Variants in GIPC2 observed in about 807,000 individuals in gnomAD.
The protein encoded by GIPC2 is PDZ domain-containing protein GIPC2.
In GIPC2, 30 loss-of-function variants were observed where a neutral mutation model predicts 30.6. That is an observed-to-expected ratio of 0.98 (90% confidence interval 0.73 to 1.33). GIPC2 has a LOEUF of 1.33. Ranked by LOEUF, GIPC2 falls within the 40% of genes most tolerant of loss-of-function variation. GIPC2 has a pLI of 0.00. For missense variants in GIPC2, 414 were observed against 390.3 expected (o/e 1.06, Z -0.51); for synonymous variants, 167 against 150.0 (o/e 1.11, Z -0.83).
intron 5 of GIPC2, among the ~76,000 whole-genome samples, chr1:78,128,068 T>G (rs1230791202): frequency 6.6e-6 from 1 of 152,240 alleles, no homozygotes. Flanking sequence ...GGTAGTTTGT[T>G]CCTTGCTCCT....
intron 1 of GIPC2, among the ~76,000 whole-genome samples, chr1:78,068,000 A>G (rs1017699393): frequency 3.3e-5 from 5 of 152,186 alleles, no homozygotes; most frequent in East Asian, 1.9e-4. Flanking sequence ...GGCTCTTTCA[A>G]TCAAATTTAG....
intron 3 of GIPC2, among the ~76,000 whole-genome samples, chr1:78,111,711 G>C (rs941800180): frequency 6.6e-6 from 1 of 152,212 alleles, no homozygotes; most frequent in Non-Finnish European, 1.5e-5. Context: ...TTCTATTAAC[G>C]TGAGCCAGGC....
At chr1:78,086,717 G>A (rs1232000997) in intron 2 of GIPC2, among the ~76,000 whole-genome samples, 1 of 152,118 alleles carries the variant, frequency 6.6e-6, no homozygotes, top group Admixed American at 6.5e-5. Context: ...TTGGTTTGAA[G>A]TCTGTTTTGT....
chr1:78,111,868 C>G (rs1333350359), intron 3 of GIPC2, among the ~76,000 whole-genome samples: 1 of 152,224 alleles, frequency 6.6e-6, no homozygotes, highest in Non-Finnish European at 1.5e-5. Flanking sequence ...CTAAGGTGCT[C>G]TGATTCCAAA....
intron 1 of GIPC2, among the ~76,000 whole-genome samples, chr1:78,062,609 G>A (rs1661415007): frequency 6.6e-6 from 1 of 151,216 alleles, no homozygotes. Flanking sequence ...CCAGGCTTAA[G>A]TGATCCTGTC....
intron 2 of GIPC2, among the ~76,000 whole-genome samples, chr1:78,091,195 C>T (rs1424884311): frequency 6.6e-6 from 1 of 152,166 alleles, no homozygotes; most frequent in Admixed American, 6.5e-5. Context: ...ATTCCTCATT[C>T]ATTAAATGGA....
intron 5 of GIPC2, among the ~76,000 whole-genome samples, chr1:78,127,155 T>C (rs1403044651): frequency 6.6e-6 from 1 of 152,250 alleles, no homozygotes; most frequent in Non-Finnish European, 1.5e-5. Context: ...ATTTTGTTTA[T>C]CTGCTACCAG....
intron 1 of GIPC2, among the ~76,000 whole-genome samples, chr1:78,068,219 A>G (rs1661556540): frequency 6.6e-6 from 1 of 152,162 alleles, no homozygotes; most frequent in Non-Finnish European, 1.5e-5. Flanking sequence ...GTTTCAGCAT[A>G]TAATTCTGTT....
intron 3 of GIPC2, among the ~76,000 whole-genome samples, chr1:78,095,411 A>G (rs1662120314): frequency 2.6e-5 from 4 of 152,194 alleles, no homozygotes; most frequent in South Asian, 4.1e-4. Context: ...GGCTGTTCCT[A>G]TCTCTGAGAA....
intron 3 of GIPC2, among the ~76,000 whole-genome samples, chr1:78,107,997 C>G (rs1427377874): frequency 6.6e-6 from 1 of 152,030 alleles, no homozygotes; most frequent in Admixed American, 6.5e-5. Flanking sequence ...GTTATCAACT[C>G]TTTACATTTG....
At position 78,046,205 on chromosome 1, in the gene GIPC2, T is replaced by A; in HGVS notation, c.111T>A (p.Ala37=). ...AGGGSLSASR[A]PARRLVFHAQ... ...GCGGGAGCCTCTCAGCGTCCCGGGC[T>A]CCCGCACGCAGGCTGGTCTTCCACG... The change falls in exon 1 of 6, where the codon GCT becomes GCA. Residue 37 remains alanine (A), a synonymous_variant. Transcript: ENST00000370759. 1 of 1,590,802 alleles carries A rather than the reference T, an allele frequency of 6.3e-7. No homozygotes were observed. The highest frequency in any genetic ancestry group is 8.5e-7 in the Non-Finnish European group (1 of 1,170,480).
chr1:78,047,535 T>TC, intron 1 of GIPC2, among the ~76,000 whole-genome samples: 1 of 152,150 alleles, frequency 6.6e-6, no homozygotes, highest in Non-Finnish European at 1.5e-5. Context: ...TTTTTTTTTT[T>TC]CAAAAAACAC....
chr1:78,067,392 T>G (rs1264853074), intron 1 of GIPC2, among the ~76,000 whole-genome samples: 1 of 152,200 alleles, frequency 6.6e-6, no homozygotes, highest in African/African-American at 2.4e-5. Context: ...ATGTTACTCC[T>G]GTTTTCCTCA....
At chr1:78,120,227 T>C (rs1571523647) in intron 4 of GIPC2, among the ~76,000 whole-genome samples, 1 of 152,364 alleles carries the variant, frequency 6.6e-6, no homozygotes, top group East Asian at 1.9e-4. Context: ...TCCGTATTTC[T>C]TCTCTGTTCT....
chr1:78,093,351 A>T (rs192886408), intron 2 of GIPC2, among the ~76,000 whole-genome samples: 39 of 152,308 alleles, frequency 2.6e-4, no homozygotes, highest in Admixed American at 1.2e-3. Context: ...GTTTCTAATA[A>T]AATAATGTTG....
intron 1 of GIPC2, among the ~76,000 whole-genome samples, chr1:78,049,942 G>A (rs1661165532): frequency 1.5e-5 from 2 of 135,390 alleles, no homozygotes; most frequent in South Asian, 4.8e-4. Flanking sequence ...TGTCGCCCAG[G>A]TTGAAGTGCA....
chr1:78,110,042 TG>T (rs1662436498), intron 3 of GIPC2, among the ~76,000 whole-genome samples: 1 of 133,906 alleles, frequency 7.5e-6, no homozygotes, highest in South Asian at 2.5e-4. Context: ...TGTTGTGGGG[TG>T]GGGGAAGGGG....
chr1:78,114,067 T>C (rs1369816486), intron 3 of GIPC2, among the ~76,000 whole-genome samples: 1 of 152,218 alleles, frequency 6.6e-6, no homozygotes, highest in Non-Finnish European at 1.5e-5. Context: ...CTAGGCTATG[T>C]GCAACTCCAC....
At chr1:78,086,829 T>C (rs986100469) in intron 2 of GIPC2, among the ~76,000 whole-genome samples, 1 of 152,134 alleles carries the variant, frequency 6.6e-6, no homozygotes, top group African/African-American at 2.4e-5. Flanking sequence ...TCTTGGGTGT[T>C]ATTTTGTGTG....
Sources: allele counts gnomAD v4.1 joint callset (sites outside exome capture counted in the v4.1 genomes callset), GRCh38; gene constraint gnomAD v4.1.1; transcripts MANE v1.5; gene names NCBI Gene and HGNC (gene_info 2026-07-23, HGNC 2026-07-21).